The following ERC1 variants were observed in gnomAD, a reference collection of about 807,000 sequenced individuals.
ERC1 encodes the protein RAB6 interacting protein 2.
In ERC1, 56 loss-of-function variants were observed where a neutral mutation model predicts 132.0. The observed-to-expected ratio is 0.42, with a 90% CI of 0.34 to 0.53. ERC1 has a LOEUF of 0.53. ERC1 is among the 20% of genes least tolerant of loss of function. The pLI is 0.03. For synonymous variants in ERC1, 478 were observed against 476.1 expected (o/e 1.00, Z -0.05); for missense variants, 1,202 against 1,349.9 (o/e 0.89, Z 1.72).
intron 15 of ERC1, among the ~76,000 whole-genome samples, chr12:1,341,181 ACTCCTGGGTTCAAGCAGTTCTC>A (rs368870540): frequency 0.12 from 16,560 of 132,728 alleles, 1,254 homozygotes; most frequent in Middle Eastern, 0.2. Context: ...GCAGCCTCCG[ACTCCTGGGTTCAAGCAGTTCTC>A]CTGCCTCAGC....
At chr12:1,092,925 C>A (rs1353224166) in intron 3 of ERC1, among the ~76,000 whole-genome samples, 1 of 152,184 alleles carries the variant, frequency 6.6e-6, no homozygotes, top group Non-Finnish European at 1.5e-5. Flanking sequence ...TGCACCACTG[C>A]ACTCCAGCGT....
chr12:1,446,856 C>A (rs12306339), intron 18 of ERC1, among the ~76,000 whole-genome samples: 38,936 of 151,884 alleles, frequency 0.26, 9,186 homozygotes, highest in African/African-American at 0.63. Flanking sequence ...AAAAATGTAA[C>A]GAACAGTATT....
At chr12:1,373,510 G>A (rs117735925) in intron 16 of ERC1, among the ~76,000 whole-genome samples, 6,920 of 152,302 alleles carry the variant, frequency 0.045, 224 homozygotes, top group Non-Finnish European at 0.072. Flanking sequence ...GGCCGGGCAC[G>A]GTGGCTCACG....
chr12:1,078,392 G>A (rs1941673106), intron 2 of ERC1, among the ~76,000 whole-genome samples: 2 of 151,676 alleles, frequency 1.3e-5, no homozygotes, highest in Admixed American at 6.6e-5. Context: ...GATGCTGGTA[G>A]TGAAATGCAT....
intron 17 of ERC1, among the ~76,000 whole-genome samples, chr12:1,438,020 T>A (rs1336948054): frequency 6.7e-6 from 1 of 150,258 alleles, no homozygotes; most frequent in Non-Finnish European, 1.5e-5. Flanking sequence ...AGTAGTGAGA[T>A]TTCTGATTAA....
At chr12:1,282,241 C>T (rs11836372) in intron 14 of ERC1, among the ~76,000 whole-genome samples, 47,408 of 151,884 alleles carry the variant, frequency 0.31, 7,776 homozygotes, top group Middle Eastern at 0.45. Context: ...TCGGACTACT[C>T]AGCTTGGAAT....
intron 8 of ERC1, among the ~76,000 whole-genome samples, chr12:1,143,684 A>G (rs192827626): frequency 5.3e-5 from 8 of 151,698 alleles, no homozygotes; most frequent in African/African-American, 1.9e-4. Context: ...TATTGGGAGT[A>G]CATAAAATTT....
At position 1,348,062 on chromosome 12, in the gene ERC1, T is replaced by C. The variant is rs190273722; in HGVS notation, c.2781-23771T>C. 3.3e-5 allele frequency among the ~76,000 whole-genome samples: 5 copies of C among 152,322 alleles called. No homozygotes were observed. In the East Asian group the frequency reaches 7.7e-4, roughly 24 times the overall value. On this transcript the variant is annotated intron_variant, in intron 15 of 18. Transcript: ENST00000360905. ...ACTTAGTTGATTCTCTAGAGTGTGGTACATTTTACAATGTGTTGTCTGCAG... is the reference window on the plus strand; with the variant it reads ...ACTTAGTTGATTCTCTAGAGTGTGGCACATTTTACAATGTGTTGTCTGCAG...
intron 1 of ERC1, among the ~76,000 whole-genome samples, chr12:1,007,315 C>A (rs1963809887): frequency 6.6e-6 from 1 of 152,090 alleles, no homozygotes; most frequent in Non-Finnish European, 1.5e-5. Flanking sequence ...TTGTATTTTA[C>A]AACAAATGGT....
At chr12:1,104,710 A>G (rs1483481370) in intron 3 of ERC1, 40 bp from the exon 4 acceptor site, 1 of 1,413,168 alleles carries the variant, frequency 7.1e-7, no homozygotes, top group African/African-American at 1.4e-5. Flanking sequence ...ATGAGGGTGA[A>G]CAGGAGAGCA....
rs546748907 is a variant in ERC1 at position 1,098,400 on chromosome 12, G to A, written c.1087-6350G>A. Among the ~76,000 whole-genome samples, 8 of 152,326 alleles carry A rather than the reference G, an allele frequency of 5.3e-5. No homozygotes were observed. The South Asian group carries it at 1.7e-3, about 32-fold the overall frequency. On this transcript the variant is annotated intron_variant, in intron 3 of 18. Coordinates refer to ENST00000360905, the MANE Select transcript of ERC1 (RefSeq NM_178040.4). Reference sequence around the variant, plus strand: ...GCTCTCTTGAAAATAGACAAAGGAGGTGGAAGAAAGCTAACTAGAGGCTGT... The same window carrying A: ...GCTCTCTTGAAAATAGACAAAGGAGATGGAAGAAAGCTAACTAGAGGCTGT...
chr12:1,381,007 GCATTTATGTACC>G lies in ERC1; in HGVS notation c.2925+9036_2925+9047del, dbSNP rs1262281811. 2.6e-5 allele frequency: 4 copies of G among 152,238 alleles called. No individual in the cohort carries two copies. In the East Asian group the frequency reaches 5.8e-4, roughly 22 times the overall value. The allele number at this position is 152,238 out of a possible 1,614,324, so 9.4% of individuals were successfully genotyped here. A position where few individuals can be genotyped will look rare whatever the true frequency, so the allele number is the denominator to read the frequency against. ...TCGATAATGAGGCCAGCCTCAGAGA[GCATTTATGTACC>G]CATTTGTTTTATATATGAATCTGTC... On this transcript the variant is annotated intron_variant, in intron 16 of 18. Coordinates refer to ENST00000360905, the MANE Select transcript of ERC1 (RefSeq NM_178040.4).
intron 7 of ERC1, among the ~76,000 whole-genome samples, chr12:1,138,126 A>G (rs1949479976): frequency 8.3e-6 from 1 of 121,170 alleles, no homozygotes; most frequent in Non-Finnish European, 1.6e-5. Flanking sequence ...TTTAATACAT[A>G]TTATATATAA....
At chr12:1,161,322 G>A (rs982863217) in intron 8 of ERC1, among the ~76,000 whole-genome samples, 15 of 152,264 alleles carry the variant, frequency 9.9e-5, no homozygotes, top group Non-Finnish European at 1.8e-4. Flanking sequence ...AGATGGAGAA[G>A]GGGGCATCTA....
intron 8 of ERC1, among the ~76,000 whole-genome samples, chr12:1,163,661 A>G (rs973979083): frequency 1.3e-5 from 2 of 152,152 alleles, no homozygotes; most frequent in Non-Finnish European, 2.9e-5. Flanking sequence ...ATTCACTTGC[A>G]TATATTCTCT....
chr12:1,094,871 C>T (rs1458825023), intron 3 of ERC1, among the ~76,000 whole-genome samples: 1 of 152,122 alleles, frequency 6.6e-6, no homozygotes, highest in Non-Finnish European at 1.5e-5. Flanking sequence ...ACAGTTCTTT[C>T]CATTTACCCT....
chr12:1,216,081 A>G (rs1958378682), intron 12 of ERC1, among the ~76,000 whole-genome samples: 1 of 152,128 alleles, frequency 6.6e-6, no homozygotes, highest in Non-Finnish European at 1.5e-5. Flanking sequence ...TCAGATTTAC[A>G]AGTTACCTTT....
chr12:1,485,698 C>T (rs1395238160), intron 18 of ERC1, among the ~76,000 whole-genome samples: 4 of 151,576 alleles, frequency 2.6e-5, no homozygotes, highest in Non-Finnish European at 5.9e-5. Context: ...TCTTTCAAGC[C>T]GTCATTTGTA....
chr12:1,116,898 T>C (rs1264508207), intron 7 of ERC1, among the ~76,000 whole-genome samples: 1 of 152,178 alleles, frequency 6.6e-6, no homozygotes, highest in Non-Finnish European at 1.5e-5. Flanking sequence ...TTCAAAATCT[T>C]GGAAGATGAT....
Sources: gnomAD v4.1 joint callset for allele counts (sites outside exome capture counted in the v4.1 genomes callset) on GRCh38, gnomAD v4.1.1 for gene constraint, MANE v1.5 for transcripts, NCBI Gene and HGNC (gene_info 2026-07-23, HGNC 2026-07-21) for gene names.